Variants in CLPX observed in about 807,000 individuals in gnomAD.
CLPX encodes the protein caseinolytic mitochondrial matrix peptidase chaperone subunit X, also known as ATP-dependent clpX-like chaperone, mitochondrial.
In CLPX, 34 loss-of-function variants were observed where a neutral mutation model predicts 76.4. That is an observed-to-expected ratio of 0.45 (90% CI 0.34 to 0.59). CLPX has a LOEUF of 0.59. Ranked by LOEUF, CLPX falls within the 20% of genes least tolerant of loss-of-function variation. The probability of loss-of-function intolerance (pLI) is 0.01; values close to 1 mark genes in which losing one functional copy is unlikely to be tolerated. For synonymous variants in CLPX, 248 were observed against 270.9 expected, an observed-to-expected ratio of 0.92 and a Z score of 0.83; for missense variants, 613 against 757.0, an observed-to-expected ratio of 0.81 and a Z score of 2.23.
intron 12 of CLPX, among the ~76,000 whole-genome samples, chr15:65,152,753 A>T (rs2087739088): frequency 6.6e-6 from 1 of 151,138 alleles, no homozygotes; most frequent in Non-Finnish European, 1.5e-5. Flanking sequence ...AAGCCACCAA[A>T]TCTGGCCAAT....
intron 7 of CLPX, 87 bp from the exon 8 acceptor site, chr15:65,157,997 T>C (rs978302725): frequency 5.9e-6 from 7 of 1,187,582 alleles, no homozygotes; most frequent in Non-Finnish European, 8.1e-6. Context: ...ATTTTAGTAG[T>C]ATATAATAAA....
At chr15:65,173,365 CAAA>C (rs35763100) in intron 3 of CLPX, among the ~76,000 whole-genome samples, 3 of 52,182 alleles carry the variant, frequency 5.7e-5, no homozygotes, top group Non-Finnish European at 1.2e-4. Flanking sequence ...GACTCTGTCT[CAAA>C]AAAAAAAAAA....
At chr15:65,165,675 C>T (rs895146687) in intron 4 of CLPX, among the ~76,000 whole-genome samples, 5 of 152,090 alleles carry the variant, frequency 3.3e-5, no homozygotes, top group African/African-American at 1.2e-4. Context: ...GTGAACCAAA[C>T]CACCGCACCC....
At position 65,158,644 on chromosome 15, in the gene CLPX, A is replaced by G. The variant is rs1424749044; in HGVS notation, c.823T>C (p.Leu275=). 1.2e-6 allele frequency: 2 copies of G among 1,614,058 alleles called. No individual in the cohort carries two copies. Among genetic ancestry groups the G allele is most frequent in the Non-Finnish European group, 8.5e-7 (1 of 1,179,934 alleles). ...TTTATGTCATCATGAGAAGAATCCA[A>G]TACTTCACCTCCTCGTTTTTCCTGA... ...IPQEKRGGEV[L]DSSHDDIKLE... Residue 275 remains leucine (L), a synonymous_variant, in exon 7 of 14, where the codon TTG becomes CTG. Coordinates refer to ENST00000300107, the MANE Select transcript of CLPX (RefSeq NM_006660.5).
At position 65,152,453 on chromosome 15, in the gene CLPX, T is replaced by C. The variant is rs761657714; in HGVS notation, c.1788A>G (p.Gly596=). ...ACCGGATGTATCCTGGTTCCTTTTTTCCTTCTACTACTTCTTTGTCAACCT... is the reference window on the plus strand; with the variant it reads ...ACCGGATGTATCCTGGTTCCTTTTTCCCTTCTACTACTTCTTTGTCAACCT... ...CVEVDKEVVE[G]KKEPGYIRAP... Residue 596 remains glycine (G), a synonymous_variant, in exon 13 of 14, where the codon GGA becomes GGG. Transcript: ENST00000300107. 1.2e-5 allele frequency: 19 copies of C among 1,555,114 alleles called. No homozygotes were observed. Among genetic ancestry groups the C allele is most frequent in the South Asian group, 3.7e-5 (3 of 81,164 alleles).
At chr15:65,152,898 CTTTT>C (rs1056417455) in intron 12 of CLPX, among the ~76,000 whole-genome samples, 6 of 149,282 alleles carry the variant, frequency 4.0e-5, no homozygotes, top group Admixed American at 1.3e-4. Context: ...TGCCCAGCCT[CTTTT>C]TTTTTGTTTG....
intron 9 of CLPX, 53 bp downstream of exon 9, chr15:65,156,791 T>G: frequency 9.0e-7 from 1 of 1,110,646 alleles, no homozygotes; most frequent in Non-Finnish European, 1.4e-6. Context: ...ATTTGGGAGG[T>G]TGATGTATTC....
chr15:65,164,164 C>T lies in CLPX; in HGVS notation c.538G>A (p.Val180Ile). ...TTCTTAGCAAATGACTGGCCAACAA[C>T]ATACTTGTCGAGGTAGTTATAAATC... ...KKIYNYLDKY[V>I]VGQSFAKKVL... The change falls in exon 5 of 14, where the codon GTT becomes ATT. Residue 180 changes from valine to isoleucine, a missense_variant. Physicochemically the swap from Val to Ile is conservative, Grantham distance 29 (BLOSUM62 3). Coordinates refer to ENST00000300107, the MANE Select transcript of CLPX (RefSeq NM_006660.5). 1 of 1,611,086 alleles carries T rather than the reference C, an allele frequency of 6.2e-7. No individual in the cohort carries two copies. The highest frequency in any genetic ancestry group is 8.5e-7 in the Non-Finnish European group (1 of 1,178,310).
rs57108608 is a variant in CLPX at position 65,167,072 on chromosome 15, AT to A, written c.359-288del. On this transcript the variant is annotated intron_variant, in intron 3 of 13. Coordinates refer to ENST00000300107, the MANE Select transcript of CLPX (RefSeq NM_006660.5). ...TCCAACTTTCCATTCACTAAAAAAG[AT>A]TTTTTTTTTTCTTTGGGAGACGGAG... Among the ~76,000 whole-genome samples, 1,053 of 149,208 alleles carry A rather than the reference AT, an allele frequency of 7.1e-3. 13 individuals carry two copies. The highest frequency in any genetic ancestry group is 0.024 in the African/African-American group (963 of 40,892).
chr15:65,180,349 C>T lies in CLPX; in HGVS notation c.80-145G>A, dbSNP rs139101773. On this transcript the variant is annotated intron_variant, in intron 1 of 13. Transcript: ENST00000300107. Reference sequence around the variant, plus strand: ...ACTGAGAGAAAAAAAATGACACCAACGGAGGCAAAGTCCTTTCAAAAACAG... The same window carrying T: ...ACTGAGAGAAAAAAAATGACACCAATGGAGGCAAAGTCCTTTCAAAAACAG... 7.0e-3 allele frequency: 3,715 copies of T among 526,994 alleles called. 28 individuals are homozygous for T. The highest frequency in any genetic ancestry group is 0.018 in the Middle Eastern group (36 of 1,960). 32.6% of individuals were successfully genotyped at this position (526,994 alleles called of 1,614,324 possible).
intron 6 of CLPX, among the ~76,000 whole-genome samples, chr15:65,159,633 T>C (rs2087828629): frequency 6.6e-6 from 1 of 151,746 alleles, no homozygotes; most frequent in African/African-American, 2.4e-5. Context: ...TAAAATAAAA[T>C]AAAACAAAAC....
At chr15:65,181,846 A>C (rs1385220565) in intron 1 of CLPX, among the ~76,000 whole-genome samples, 6 of 151,856 alleles carry the variant, frequency 4.0e-5, no homozygotes, top group African/African-American at 1.4e-4. Context: ...TGAGGGGGCC[A>C]GGTGCAGTGA....
At chr15:65,153,243 A>T (rs1595935842) in intron 12 of CLPX, among the ~76,000 whole-genome samples, 1 of 151,588 alleles carries the variant, frequency 6.6e-6, no homozygotes, top group East Asian at 2.0e-4. Context: ...TGAGGTTAGG[A>T]GTTTGAGACC....
intron 3 of CLPX, among the ~76,000 whole-genome samples, chr15:65,169,205 C>T (rs1481418738): frequency 1.3e-5 from 2 of 151,966 alleles, no homozygotes; most frequent in African/African-American, 4.8e-5. Flanking sequence ...CTGCCCGCCT[C>T]GGCCTCCCAA....
At chr15:65,151,886 G>C (rs895008695) in intron 13 of CLPX, among the ~76,000 whole-genome samples, 1 of 152,030 alleles carries the variant, frequency 6.6e-6, no homozygotes, top group Admixed American at 6.6e-5. Flanking sequence ...ATAAATCAGG[G>C]GTTAGGAAAC....
At chr15:65,160,969 C>T (rs776947689) in intron 6 of CLPX, among the ~76,000 whole-genome samples, 1 of 152,074 alleles carries the variant, frequency 6.6e-6, no homozygotes, top group African/African-American at 2.4e-5. Context: ...TGTGTGGCCA[C>T]GGACAAATTA....
At position 65,162,656 on chromosome 15, in the gene CLPX, G is replaced by C; in HGVS notation, c.674-11C>G. ...TTCTTATTTCTAACTCTAAGAAAGA[G>C]GATGAAAATATTACATATTTGTTTA... On this transcript the variant is annotated splice_polypyrimidine_tract_variant and intron_variant, in intron 5 of 13. Transcript: ENST00000300107. 2 of 1,531,848 alleles carry C rather than the reference G, an allele frequency of 1.3e-6. No individual in the cohort carries two copies. Among genetic ancestry groups the C allele is most frequent in the Non-Finnish European group, 9.0e-7 (1 of 1,111,348 alleles). 94.9% of individuals were successfully genotyped at this position (1,531,848 alleles called of 1,614,324 possible).
chr15:65,182,181 G>A (rs745866760), intron 1 of CLPX, among the ~76,000 whole-genome samples: 7 of 151,194 alleles, frequency 4.6e-5, no homozygotes, highest in Non-Finnish European at 1.0e-4. Flanking sequence ...AGTGACAGAT[G>A]CAATCAATCA....
intron 3 of CLPX, among the ~76,000 whole-genome samples, chr15:65,169,300 G>T (rs938284178): frequency 6.6e-6 from 1 of 152,010 alleles, no homozygotes. Context: ...AGGGTCTCAT[G>T]ATGTTGCCCA....
Sources: allele counts gnomAD v4.1 joint callset (sites outside exome capture counted in the v4.1 genomes callset), GRCh38; gene constraint gnomAD v4.1.1; transcripts MANE v1.5; gene names NCBI Gene and HGNC (gene_info 2026-07-23, HGNC 2026-07-21).